HUNK: variants seen among roughly 807,000 people sequenced by gnomAD.
The protein encoded by HUNK is hormonally up-regulated Neu-associated kinase.
A neutral mutation model predicts 61.0 loss-of-function variants in HUNK; 21 were observed. That is an observed-to-expected ratio of 0.34 (90% CI 0.24 to 0.50). The LOEUF is 0.50. Ranked by LOEUF, HUNK falls within the 20% of genes least tolerant of loss-of-function variation. The pLI is 0.98. For missense variants in HUNK, 772 were observed against 945.7 expected, an observed-to-expected ratio of 0.82 and a Z score of 2.41; for synonymous variants, 371 against 386.1, an observed-to-expected ratio of 0.96 and a Z score of 0.46.
intron 1 of HUNK, among the ~76,000 whole-genome samples, chr21:31,902,768 A>G (rs1365202450): frequency 6.6e-6 from 1 of 152,206 alleles, no homozygotes; most frequent in Non-Finnish European, 1.5e-5. Flanking sequence ...AGGCCACTAA[A>G]TGGATCTCCC....
chr21:31,882,355 A>C (rs2052314295), intron 1 of HUNK, among the ~76,000 whole-genome samples: 1 of 152,182 alleles, frequency 6.6e-6, no homozygotes, highest in South Asian at 2.1e-4. Flanking sequence ...TCTGAAATTC[A>C]AAGGTTCTGA....
chr21:31,990,204 G>C (rs933927586), intron 9 of HUNK, 28 bp downstream of exon 9: 6 of 1,596,354 alleles, frequency 3.8e-6, no homozygotes, highest in East Asian at 2.2e-5. Context: ...TATTATGTTA[G>C]TCAGGGTTCT....
chr21:31,884,372 A>G (rs2052330897), intron 1 of HUNK, among the ~76,000 whole-genome samples: 1 of 152,106 alleles, frequency 6.6e-6, no homozygotes, highest in Non-Finnish European at 1.5e-5. Context: ...TGGGTGGATC[A>G]CTTGAGGTCA....
rs780462828 is a variant in HUNK, at chr21:31,968,300, C to T, written c.925C>T (p.Pro309Ser). 4.3e-6 allele frequency: 7 copies of T among 1,614,058 alleles called. No homozygotes were observed. The highest frequency in any genetic ancestry group is 3.3e-5 in the South Asian group (3 of 91,086). ...CCTGGAACCGGATCCTGTGAAGAGG[C>T]CAAATATTCAGCAGGCACTGGCGAA... Reference protein sequence around the residue: ...SLLEPDPVKRPNIQQALANRW... With the variant: ...SLLEPDPVKRSNIQQALANRW... Residue 309 changes from proline to serine, a missense_variant, in exon 6 of 11, where the codon CCA (proline) becomes TCA (serine). Coordinates refer to ENST00000270112, the MANE Select transcript of HUNK (RefSeq NM_014586.2).
chr21:31,960,775 C>A (rs1394966118), intron 5 of HUNK, among the ~76,000 whole-genome samples: 1 of 152,144 alleles, frequency 6.6e-6, no homozygotes, highest in Non-Finnish European at 1.5e-5. Context: ...CTCCACCTGG[C>A]CCCGCCCTTG....
intron 1 of HUNK, among the ~76,000 whole-genome samples, chr21:31,914,300 G>A (rs916867630): frequency 6.0e-5 from 9 of 151,060 alleles, no homozygotes; most frequent in African/African-American, 2.2e-4. Context: ...TCAGCTACTC[G>A]GGAAGGCTGA....
chr21:31,917,625 A>G (rs184173562), intron 1 of HUNK, among the ~76,000 whole-genome samples: 193 of 148,338 alleles, frequency 1.3e-3, no homozygotes, highest in Non-Finnish European at 2.5e-3. Context: ...CTTTGACAGA[A>G]AGTTGTTTTT....
intron 5 of HUNK, 63 bp from the exon 6 acceptor site, chr21:31,968,187 G>A: frequency 2.5e-6 from 4 of 1,601,290 alleles, no homozygotes; most frequent in Non-Finnish European, 3.4e-6. Context: ...TGTGATGGTG[G>A]CTTTCACTGG....
chr21:31,919,695 G>A (rs946457618), intron 1 of HUNK, among the ~76,000 whole-genome samples: 1 of 152,144 alleles, frequency 6.6e-6, no homozygotes, highest in Admixed American at 6.5e-5. Flanking sequence ...GAGGGAGTTC[G>A]TGAAGACTCT....
At chr21:31,950,627 T>A (rs1478803621) in intron 4 of HUNK, among the ~76,000 whole-genome samples, 5 of 152,204 alleles carry the variant, frequency 3.3e-5, no homozygotes, top group Non-Finnish European at 7.3e-5. Flanking sequence ...AAACTTTCTA[T>A]CTGTCTAAAC....
At chr21:31,894,564 T>G (rs549176701) in intron 1 of HUNK, among the ~76,000 whole-genome samples, 24 of 152,306 alleles carry the variant, frequency 1.6e-4, no homozygotes, top group African/African-American at 5.8e-4. Flanking sequence ...GTATGGGCTT[T>G]TGTACACATT....
chr21:31,959,945 G>A (rs2052915676), intron 5 of HUNK, among the ~76,000 whole-genome samples: 1 of 152,182 alleles, frequency 6.6e-6, no homozygotes, highest in South Asian at 2.1e-4. Context: ...TGAAAGCAAA[G>A]GAGGCATTAA....
chr21:31,998,687 A>G lies in HUNK; in HGVS notation c.1648A>G (p.Lys550Glu), dbSNP rs2053223230. Reference sequence around the variant, plus strand: ...GCCCGGAAGCACTGGCATCCCCCACAAGGAAGACCCCCTGATGCTGGACAT... The same window carrying G: ...GCCCGGAAGCACTGGCATCCCCCACGAGGAAGACCCCCTGATGCTGGACAT... Reference protein sequence around the residue: ...PGPGSTGIPHKEDPLMLDMVR... With the variant: ...PGPGSTGIPHEEDPLMLDMVR... The change falls in exon 11 of 11, where the codon AAG becomes GAG. Residue 550 changes from lysine (K) to glutamate (E), a missense_variant. Transcript: ENST00000270112. 5.0e-6 allele frequency: 8 copies of G among 1,613,970 alleles called. No homozygotes were observed. Among genetic ancestry groups the G allele is most frequent in the Non-Finnish European group, 6.8e-6 (8 of 1,179,976 alleles).
chr21:31,940,687 A>G (rs764617570), intron 3 of HUNK, among the ~76,000 whole-genome samples: 1 of 152,174 alleles, frequency 6.6e-6, no homozygotes, highest in Non-Finnish European at 1.5e-5. Context: ...AGAAGTCTGA[A>G]CCAATCAGAA....
intron 2 of HUNK, among the ~76,000 whole-genome samples, chr21:31,933,558 G>T (rs2052712688): frequency 6.6e-6 from 1 of 152,094 alleles, no homozygotes; most frequent in Admixed American, 6.5e-5. Flanking sequence ...GCCGAGGTAG[G>T]TGGATCACCT....
At chr21:31,988,861 C>T (rs749905373) in intron 8 of HUNK, among the ~76,000 whole-genome samples, 2 of 148,004 alleles carry the variant, frequency 1.4e-5, no homozygotes, top group Non-Finnish European at 3.0e-5. Flanking sequence ...TTTTCTTTCT[C>T]GGTTTCCAGA....
chr21:31,884,804 T>C (rs1271083416), intron 1 of HUNK, among the ~76,000 whole-genome samples: 2 of 150,936 alleles, frequency 1.3e-5, no homozygotes, highest in African/African-American at 4.9e-5. Flanking sequence ...TTTGATGGAG[T>C]GTCACTCTTT....
chr21:31,951,504 T>C (rs529035553), intron 4 of HUNK, among the ~76,000 whole-genome samples: 1 of 151,910 alleles, frequency 6.6e-6, no homozygotes, highest in East Asian at 1.9e-4. Flanking sequence ...GAATGCAACG[T>C]TGTTGGACTA....
At chr21:31,894,074 G>T (rs1053889209) in intron 1 of HUNK, among the ~76,000 whole-genome samples, 2 of 152,182 alleles carry the variant, frequency 1.3e-5, no homozygotes, top group African/African-American at 4.8e-5. Flanking sequence ...GCTGCCAGTT[G>T]TCCTCTGGTG....
Sources: gnomAD v4.1 joint callset for allele counts (sites outside exome capture counted in the v4.1 genomes callset) on GRCh38, gnomAD v4.1.1 for gene constraint, MANE v1.5 for transcripts, NCBI Gene and HGNC (gene_info 2026-07-23, HGNC 2026-07-21) for gene names.